The following HP1BP3 variants were observed in gnomAD, a reference collection of about 807,000 sequenced individuals.
The protein encoded by HP1BP3 is heterochromatin protein 1 binding protein 3.
Under a neutral mutation model 62.5 loss-of-function variants are expected in HP1BP3, and 12 were observed. The observed-to-expected ratio is 0.19, with a 90% CI of 0.12 to 0.31. The LOEUF (loss-of-function observed/expected upper bound fraction) is 0.31. Among genes scored for constraint, HP1BP3 ranks in the 10% least tolerant of loss-of-function variants. The pLI, the probability that HP1BP3 is intolerant of heterozygous loss-of-function variation, is 1.00. For missense variants in HP1BP3, 502 were observed against 651.8 expected, an observed-to-expected ratio of 0.77 and a Z score of 2.50; for synonymous variants, 260 against 237.8, an observed-to-expected ratio of 1.09 and a Z score of -0.86.
chr1:20,750,343 A>G (rs894127768), intron 9 of HP1BP3: 5 of 63,204 alleles, frequency 7.9e-5, no homozygotes, highest in African/African-American at 2.4e-4. Context: ...ACACACACAC[A>G]CACACACACA....
intron 6 of HP1BP3, among the ~76,000 whole-genome samples, chr1:20,768,350 G>A (rs1392561170): frequency 6.6e-6 from 1 of 152,144 alleles, no homozygotes; most frequent in Non-Finnish European, 1.5e-5. Flanking sequence ...GGAGGCTGAG[G>A]CAGGAGAATG....
At chr1:20,763,029 G>A (rs149000242) in intron 8 of HP1BP3, among the ~76,000 whole-genome samples, 1 of 152,246 alleles carries the variant, frequency 6.6e-6, no homozygotes, top group Non-Finnish European at 1.5e-5. Flanking sequence ...TAATGAGCGG[G>A]TTGTTTAAAA....
chr1:20,773,748 C>G, intron 4 of HP1BP3, 138 bp from the exon 5 acceptor site: 1 of 490,310 alleles, frequency 2.0e-6, no homozygotes, highest in South Asian at 6.1e-5. Flanking sequence ...GTACCATAAG[C>G]AAAATTTTAC....
At chr1:20,776,063 T>C (rs2057293416) in intron 4 of HP1BP3, 1 of 1,395,938 alleles carries the variant, frequency 7.2e-7, no homozygotes, top group East Asian at 2.5e-5. Flanking sequence ...TCACTTTATA[T>C]AGATACACAT....
intron 8 of HP1BP3, among the ~76,000 whole-genome samples, chr1:20,759,552 A>G (rs2056336671): frequency 6.6e-6 from 1 of 152,246 alleles, no homozygotes; most frequent in Non-Finnish European, 1.5e-5. Context: ...AGGCACTCTG[A>G]CACCCAGAAG....
At chr1:20,764,373 T>C (rs2056651318) in intron 8 of HP1BP3, among the ~76,000 whole-genome samples, 1 of 151,810 alleles carries the variant, frequency 6.6e-6, no homozygotes, top group South Asian at 2.1e-4. Flanking sequence ...GACGGAGTTT[T>C]GCTCTTGGTG....
rs1400290062 is a variant in HP1BP3, at chr1:20,754,882, A to G, written c.981+2284T>C. 2.0e-5 allele frequency among the ~76,000 whole-genome samples: 3 copies of G among 152,258 alleles called. No individual in the cohort carries two copies. In the East Asian group the frequency reaches 5.8e-4, roughly 29 times the overall value. ...ATAAAACTCTTAAAACGTACGAGTA[A>G]ATTTTCATTACCTTTAATTAGGCAA... On this transcript the variant is annotated intron_variant, in intron 9 of 12. Coordinates refer to ENST00000438032, the MANE Select transcript of HP1BP3 (RefSeq NM_001372052.1).
chr1:20,765,348 G>A, intron 8 of HP1BP3, 29 bp downstream of exon 8: 1 of 1,508,050 alleles, frequency 6.6e-7, no homozygotes, highest in Non-Finnish European at 8.9e-7. Context: ...AACACATCAT[G>A]TTTTAAAGGC....
At chr1:20,768,763 A>T (rs1402640966) in intron 6 of HP1BP3, among the ~76,000 whole-genome samples, 1 of 152,008 alleles carries the variant, frequency 6.6e-6, no homozygotes, top group Non-Finnish European at 1.5e-5. Context: ...TTGCTTGAAC[A>T]CGGGAGGCAG....
chr1:20,761,383 T>C (rs924149053), intron 8 of HP1BP3, among the ~76,000 whole-genome samples: 3 of 152,130 alleles, frequency 2.0e-5, no homozygotes, highest in South Asian at 2.1e-4. Flanking sequence ...AATAATTGCT[T>C]ATAGATTAGA....
In HP1BP3 at chr1:20,749,825, A is replaced by G. The variant is rs1202250577; in HGVS notation, c.1039T>C (p.Leu347=). 1.9e-6 allele frequency: 3 copies of G among 1,614,174 alleles called. No homozygotes were observed. Among genetic ancestry groups the G allele is most frequent in the Non-Finnish European group, 2.5e-6 (3 of 1,180,032 alleles). Residue 347 remains leucine (L), a synonymous_variant, in exon 10 of 13, where the codon TTG becomes CTG. Coordinates refer to ENST00000438032, the MANE Select transcript of HP1BP3 (RefSeq NM_001372052.1). ...LGGSLMEYAI[L]SAIAAMNEPK... ...TCATTCATGGCAGCAATGGCAGACA[A>G]GATTGCATATTCCATCAGGCTTCCA...
intron 6 of HP1BP3, among the ~76,000 whole-genome samples, chr1:20,769,134 T>C (rs1208902806): frequency 1.3e-5 from 2 of 152,192 alleles, no homozygotes; most frequent in African/African-American, 4.8e-5. Context: ...CTGTCACCCA[T>C]GCTGGAGTGC....
intron 1 of HP1BP3, among the ~76,000 whole-genome samples, chr1:20,784,671 T>A (rs1570695830): frequency 6.6e-6 from 1 of 151,890 alleles, no homozygotes; most frequent in Non-Finnish European, 1.5e-5. Context: ...AGAGACGGGG[T>A]TTCACCGTGT....
rs954752783 is a variant in HP1BP3, at chr1:20,745,627, G to A, written c.1283C>T (p.Pro428Leu). The A allele has an allele frequency of 8.1e-6, 13 of 1,613,684 alleles. No homozygotes were observed. The highest frequency in any genetic ancestry group is 1.1e-5 in the Non-Finnish European group (13 of 1,179,830). The change falls in exon 12 of 13, where the codon CCA (proline) becomes CTA (leucine). Residue 428 changes from proline (P) to leucine (L), a missense_variant. Around this residue, in one of 5 missense-constraint regions of HP1BP3, gnomAD observed 194 missense variants for 207.0 expected, o/e 0.94. Coordinates refer to ENST00000438032, the MANE Select transcript of HP1BP3 (RefSeq NM_001372052.1). ...TTCATCCTCATCTCTAGAATCATCTGGCTCTTTCTTCGGAAACAGAACTCC... is the reference window on the plus strand; with the variant it reads ...TTCATCCTCATCTCTAGAATCATCTAGCTCTTTCTTCGGAAACAGAACTCC... ...SPGVLFPKKE[P>L]DDSRDEDEDE...
chr1:20,776,728 T>C lies in HP1BP3; in HGVS notation c.219A>G (p.Glu73=), dbSNP rs200874939. 202 of 1,612,986 alleles carry C rather than the reference T, an allele frequency of 1.3e-4. No individual in the cohort carries two copies. The highest frequency in any genetic ancestry group is 2.0e-4 in the Admixed American group (12 of 59,798). ...CTTGTTCTTCTACAGTGGAGACAGA[T>C]TCCTCTGAACTTATGTCTGGTTCTA... ...EKPEPDISSE[E]SVSTVEEQEN... is the part of the protein sequence containing the mutation. Residue 73 remains glutamate (E), a synonymous_variant, in exon 4 of 13, where the codon GAA becomes GAG. Transcript: ENST00000438032.
chr1:20,757,011 T>G (rs993229523), intron 9 of HP1BP3, among the ~76,000 whole-genome samples, 155 bp downstream of exon 9: 1 of 152,020 alleles, frequency 6.6e-6, no homozygotes, highest in Non-Finnish European at 1.5e-5. Flanking sequence ...CACCCAGACC[T>G]CAATGTTAAT....
At chr1:20,752,718 T>C (rs1034456564) in intron 9 of HP1BP3, among the ~76,000 whole-genome samples, 4 of 152,120 alleles carry the variant, frequency 2.6e-5, no homozygotes, top group Non-Finnish European at 4.4e-5. Context: ...TATGTACTTA[T>C]GGTTTAAAAA....
chr1:20,767,988 CA>C (rs917044975), intron 6 of HP1BP3, among the ~76,000 whole-genome samples: 2 of 151,050 alleles, frequency 1.3e-5, no homozygotes, highest in South Asian at 4.2e-4. Context: ...AAAATCAAAA[CA>C]AAAATGTCCC....
intron 1 of HP1BP3, among the ~76,000 whole-genome samples, chr1:20,781,879 G>A (rs1042126219): frequency 1.1e-4 from 17 of 152,338 alleles, no homozygotes; most frequent in Non-Finnish European, 2.5e-4. Flanking sequence ...GCCCGCCTCA[G>A]CCTCCCAAAG....
Sources: gnomAD v4.1 joint callset for allele counts (sites outside exome capture counted in the v4.1 genomes callset) on GRCh38, gnomAD v4.1.1 for gene constraint, gnomAD v4.1.1 regional missense constraint, MANE v1.5 for transcripts, NCBI Gene and HGNC (gene_info 2026-07-23, HGNC 2026-07-21) for gene names.